ATL1: variants seen among roughly 807,000 people sequenced by gnomAD.
The protein encoded by ATL1 is atlastin GTPase 1.
In ATL1, 31 loss-of-function variants were observed where a neutral mutation model predicts 75.5. The ratio of observed to expected loss-of-function variants is 0.41; its 90% confidence interval spans 0.31 to 0.55. The LOEUF (loss-of-function observed/expected upper bound fraction) is 0.55. Ranked by LOEUF, ATL1 falls within the 20% of genes least tolerant of loss-of-function variation. The pLI, the probability that ATL1 is intolerant of heterozygous loss-of-function variation, is 0.27. For missense variants in ATL1, 405 were observed against 662.6 expected (o/e 0.61, Z 4.27); for synonymous variants, 226 against 233.3 (o/e 0.97, Z 0.28).
At chr14:50,585,055 T>C (rs2039089658) in intron 1 of ATL1, among the ~76,000 whole-genome samples, 1 of 152,138 alleles carries the variant, frequency 6.6e-6, no homozygotes, top group Non-Finnish European at 1.5e-5. Context: ...TTATTAGCAA[T>C]TAGAGAAATG....
chr14:50,581,680 A>C (rs1360228663), intron 1 of ATL1, among the ~76,000 whole-genome samples: 1 of 152,164 alleles, frequency 6.6e-6, no homozygotes, highest in East Asian at 1.9e-4. Flanking sequence ...ATGAGATAAC[A>C]TATTCTTTCT....
intron 13 of ATL1, 140 bp downstream of exon 13, chr14:50,630,149 T>A: frequency 1.8e-6 from 1 of 544,540 alleles, no homozygotes; most frequent in East Asian, 3.3e-5. Context: ...AAATTTGTAA[T>A]TGTGAATTTT....
intron 1 of ATL1, among the ~76,000 whole-genome samples, chr14:50,566,722 G>T (rs1484689750): frequency 6.6e-6 from 1 of 151,926 alleles, no homozygotes; most frequent in Admixed American, 6.6e-5. Context: ...TAAGTCCTTT[G>T]CTGATTGTCT....
chr14:50,538,513 G>T (rs1487345371), intron 1 of ATL1, among the ~76,000 whole-genome samples: 1 of 152,170 alleles, frequency 6.6e-6, no homozygotes, highest in Non-Finnish European at 1.5e-5. Flanking sequence ...GCTAAGAAAA[G>T]ATAGCAGATT....
chr14:50,551,922 T>A (rs567099680), intron 1 of ATL1, among the ~76,000 whole-genome samples: 1 of 151,948 alleles, frequency 6.6e-6, no homozygotes, highest in South Asian at 2.1e-4. Context: ...ACAAGGAAAA[T>A]TTGAAAGCAT....
At chr14:50,593,290 T>C (rs2039180996) in intron 4 of ATL1, among the ~76,000 whole-genome samples, 1 of 152,150 alleles carries the variant, frequency 6.6e-6, no homozygotes, top group African/African-American at 2.4e-5. Flanking sequence ...TTTATATCAG[T>C]ACATAAATAT....
chr14:50,584,342 C>T (rs116904097), intron 1 of ATL1, among the ~76,000 whole-genome samples: 2,357 of 152,264 alleles, frequency 0.015, 32 homozygotes, highest in Non-Finnish European at 0.022. Flanking sequence ...CACACCACTG[C>T]ACTCTGCCTG....
intron 5 of ATL1, among the ~76,000 whole-genome samples, chr14:50,595,292 TAAAATATGAAAGTGTTAATTTTA>T (rs1230191634): frequency 6.6e-6 from 1 of 152,174 alleles, no homozygotes; most frequent in African/African-American, 2.4e-5. Flanking sequence ...GTGTTCATTT[TAAAATATGAAAGTGTTAATTTTA>T]AAAATAAAAT....
intron 1 of ATL1, among the ~76,000 whole-genome samples, chr14:50,586,042 GAT>G (rs199837733): frequency 2.6e-5 from 4 of 151,744 alleles, no homozygotes; most frequent in Non-Finnish European, 4.4e-5. Context: ...TTATCAATGT[GAT>G]ATATATATAT....
At chr14:50,545,249 T>G (rs940492250) in intron 1 of ATL1, among the ~76,000 whole-genome samples, 3 of 152,214 alleles carry the variant, frequency 2.0e-5, no homozygotes, top group Admixed American at 6.5e-5. Flanking sequence ...GCGCCCTGTA[T>G]GTAAGTCCTA....
Position 50,628,230 on chromosome 14 carries a change from A to G in ATL1, c.1319A>G (p.Asn440Ser). ...TATATCAAGCACAATGATAGCAAAAATATCTTCCATGCAGCTCGTACCCCA... is the reference window on the plus strand; with the variant it reads ...TATATCAAGCACAATGATAGCAAAAGTATCTTCCATGCAGCTCGTACCCCA... ...IQYIKHNDSK[N>S]IFHAARTPAT... Residue 440 changes from asparagine (N) to serine (S), a missense_variant, in exon 12 of 14, where the codon AAT (asparagine) becomes AGT (serine). Asn to Ser is a conservative substitution (Grantham distance 46). Coordinates refer to ENST00000358385, the MANE Select transcript of ATL1 (RefSeq NM_015915.5). The G allele has an allele frequency of 6.2e-7, 1 of 1,614,166 alleles. No homozygotes were observed. The highest frequency in any genetic ancestry group is 8.5e-7 in the Non-Finnish European group (1 of 1,180,026).
chr14:50,567,345 A>C (rs990605211), intron 1 of ATL1, among the ~76,000 whole-genome samples: 24 of 152,054 alleles, frequency 1.6e-4, no homozygotes, highest in Non-Finnish European at 3.2e-4. Context: ...TATACACCAC[A>C]TTTTTTTATC....
upstream of ATL1, among the ~76,000 whole-genome samples, chr14:50,555,750 C>G (rs2038758017): frequency 2.6e-5 from 4 of 152,232 alleles, no homozygotes; most frequent in African/African-American, 9.6e-5. Context: ...AGCTGATGAA[C>G]TGACCACCAT....
At chr14:50,571,676 C>G (rs534265994) in intron 1 of ATL1, among the ~76,000 whole-genome samples, 1 of 152,196 alleles carries the variant, frequency 6.6e-6, no homozygotes, top group African/African-American at 2.4e-5. Context: ...TAGAATAAAT[C>G]CAGGCTAGTC....
intron 8 of ATL1, among the ~76,000 whole-genome samples, chr14:50,619,585 AT>A (rs1397166500): frequency 6.6e-6 from 1 of 152,184 alleles, no homozygotes; most frequent in Admixed American, 6.5e-5. Flanking sequence ...TGTTTTCTAT[AT>A]TACTTTGCTA....
intron 1 of ATL1, among the ~76,000 whole-genome samples, chr14:50,569,117 G>A (rs143012147): frequency 0.013 from 2,010 of 152,016 alleles, 38 homozygotes; most frequent in African/African-American, 0.046. Flanking sequence ...TTGGGAGGAT[G>A]AGGTGGGAGG....
At position 50,591,567 on chromosome 14, in the gene ATL1, C is replaced by T. The variant is rs984920474; in HGVS notation, c.450C>T (p.Thr150=). The T allele has an allele frequency of 6.2e-7, 1 of 1,613,468 alleles. No homozygotes were observed. The highest frequency in any genetic ancestry group is 1.3e-5 in the African/African-American group (1 of 74,880). ...TGTTATTGATGGATACTCAGGGAAC[C>T]TTTGATAGTCAGTCAACTTTGAGAG... ...VAVLLMDTQG[T]FDSQSTLRDS... The change falls in exon 4 of 14, where the codon ACC becomes ACT. Residue 150 remains threonine, a synonymous_variant. Coordinates refer to ENST00000358385, the MANE Select transcript of ATL1 (RefSeq NM_015915.5).
At chr14:50,591,829 C>G in intron 4 of ATL1, 190 bp downstream of exon 4, 1 of 551,344 alleles carries the variant, frequency 1.8e-6, no homozygotes, top group Non-Finnish European at 3.2e-6. Context: ...AGTTTAATTA[C>G]TGACAAACTT....
At position 50,616,455 on chromosome 14, in the gene ATL1, GTTATTTATTTATTTAT is replaced by G. The variant is rs200056004; in HGVS notation, c.862+1979_862+1994del. ...CTACAGGAGTGTGCCACCATGCCCG[GTTATTTATTTATTTAT>G]TTATTTATTTATTTATTTATTTATT... is the stretch of plus-strand genomic sequence containing the variant. On this transcript the variant is annotated intron_variant, in intron 8 of 13. Coordinates refer to ENST00000358385, the MANE Select transcript of ATL1 (RefSeq NM_015915.5). Among the ~76,000 whole-genome samples, 693 of 141,340 alleles carry G rather than the reference GTTATTTATTTATTTAT, an allele frequency of 4.9e-3. 5 individuals carry two copies. The highest frequency in any genetic ancestry group is 0.014 in the African/African-American group (522 of 38,442). The allele number at this position is 141,340 out of a possible 152,430, so 92.7% of individuals were successfully genotyped here. A position where few individuals can be genotyped will look rare whatever the true frequency, so the allele number is the denominator to read the frequency against.
Sources: allele counts gnomAD v4.1 joint callset (sites outside exome capture counted in the v4.1 genomes callset), GRCh38; gene constraint gnomAD v4.1.1; transcripts MANE v1.5; gene names NCBI Gene and HGNC (gene_info 2026-07-23, HGNC 2026-07-21).